Variants in PCDHA4 observed in about 807,000 individuals in gnomAD.
PCDHA4 encodes protocadherin alpha-4.
Under a neutral mutation model 61.4 loss-of-function variants are expected in PCDHA4, and 49 were observed. That is an observed-to-expected ratio of 0.80 (90% CI 0.63 to 1.01). The LOEUF (loss-of-function observed/expected upper bound fraction) is 1.01. Among genes scored for constraint, PCDHA4 ranks in the 50% least tolerant of loss-of-function variants. The pLI is 0.00. For synonymous variants in PCDHA4, 590 were observed against 550.3 expected (o/e 1.07, Z -1.01); for missense variants, 1,254 against 1,235.8 (o/e 1.01, Z -0.22).
intron 1 of PCDHA4, chr5:140,927,409 A>C (rs1554204480): frequency 2.5e-6 from 4 of 1,614,002 alleles, no homozygotes; most frequent in Non-Finnish European, 3.4e-6. Flanking sequence ...TCGCCTGGAC[A>C]TGGGATCGCG....
At chr5:140,870,483 C>A (rs782740203) in intron 1 of PCDHA4, 13 of 1,614,122 alleles carry the variant, frequency 8.1e-6, no homozygotes, top group East Asian at 2.2e-5. Context: ...CCGAGTACAC[C>A]GTGTTCGTGA....
Position 140,851,361 on chromosome 5 carries a change from A to G in PCDHA4, c.2385+41789A>G, listed in dbSNP as rs1342409970. The G allele has an allele frequency of 6.1e-6, 6 of 978,064 alleles. No individual in the cohort carries two copies. In the African/African-American group the frequency reaches 8.8e-5, roughly 14 times the overall value. The allele number at this position is 978,064 out of a possible 1,614,324, so 60.6% of individuals were successfully genotyped here. On this transcript the variant is annotated intron_variant, in intron 1 of 3. Coordinates refer to ENST00000530339, the MANE Select transcript of PCDHA4 (RefSeq NM_018907.4). Reference sequence around the variant, plus strand: ...ACATTTCTCTGGATGGAGACTGTGAACATCTGATTGTTCAGCAACCTTCAG... The same window carrying G: ...ACATTTCTCTGGATGGAGACTGTGAGCATCTGATTGTTCAGCAACCTTCAG...
At chr5:140,874,406 C>T (rs1399717105) in intron 1 of PCDHA4, among the ~76,000 whole-genome samples, 2 of 152,122 alleles carry the variant, frequency 1.3e-5, no homozygotes, top group Non-Finnish European at 2.9e-5. Flanking sequence ...ATAACAGTCA[C>T]CATTCTGATT....
rs2150125667 is a variant in PCDHA4 at position 140,823,416 on chromosome 5, C to A, written c.2385+13844C>A. 4 of 1,613,276 alleles carry A rather than the reference C, an allele frequency of 2.5e-6. No individual in the cohort carries two copies. The highest frequency in any genetic ancestry group is 3.4e-6 in the Non-Finnish European group (4 of 1,179,816). On this transcript the variant is annotated intron_variant, in intron 1 of 3. Transcript: ENST00000530339. ...CGGGCGTGCCGCCTCTGGGCAGCAA[C>A]GTGACGCTGCAGGTGTTCGTGCTGG...
intron 3 of PCDHA4, 48 bp from the exon 4 acceptor site, chr5:141,009,579 A>T: frequency 6.3e-7 from 1 of 1,586,202 alleles, no homozygotes; most frequent in Non-Finnish European, 8.6e-7. Context: ...TGTGGCATCA[A>T]GAGCATGTGT....
At chr5:140,916,399 C>G (rs1421171065) in intron 1 of PCDHA4, among the ~76,000 whole-genome samples, 2 of 152,168 alleles carry the variant, frequency 1.3e-5, no homozygotes, top group African/African-American at 4.8e-5. Context: ...TGTGCTGGAT[C>G]ACACCTGAAG....
At chr5:140,897,252 A>G (rs1179343621) in intron 1 of PCDHA4, among the ~76,000 whole-genome samples, 3 of 152,018 alleles carry the variant, frequency 2.0e-5, no homozygotes, top group East Asian at 3.9e-4. Flanking sequence ...TTACATATGT[A>G]TACATGTGCC....
intron 1 of PCDHA4, among the ~76,000 whole-genome samples, chr5:140,963,325 C>T (rs1156299692): frequency 2.0e-5 from 3 of 152,156 alleles, no homozygotes; most frequent in Non-Finnish European, 4.4e-5. Flanking sequence ...ATTAGAATTA[C>T]ACAGATAAAT....
At position 140,835,699 on chromosome 5, in the gene PCDHA4, C is replaced by G. The variant is rs146607016; in HGVS notation, c.2385+26127C>G. 306 of 1,613,916 alleles carry G rather than the reference C, an allele frequency of 1.9e-4. 1 individual carries two copies. In the African/African-American group the frequency reaches 3.5e-3, roughly 18 times the overall value. ...GGCTCGCCTTCTCTGTGGGCCACTG[C>G]TAGCGTGTCCGTGGAGGTGGCCGAC... On this transcript the variant is annotated intron_variant, in intron 1 of 3. Coordinates refer to ENST00000530339, the MANE Select transcript of PCDHA4 (RefSeq NM_018907.4).
chr5:140,969,261 T>G (rs2153777840), intron 1 of PCDHA4: 1 of 1,614,180 alleles, frequency 6.2e-7, no homozygotes, highest in South Asian at 1.1e-5. Flanking sequence ...AGCAGGAATC[T>G]CACAGGCCAA....
intron 1 of PCDHA4, among the ~76,000 whole-genome samples, chr5:140,936,591 G>T (rs1188475668): frequency 6.6e-6 from 1 of 152,180 alleles, no homozygotes; most frequent in Non-Finnish European, 1.5e-5. Context: ...CAGTTAGATT[G>T]CCTACTTTCC....
At chr5:140,844,128 T>G (rs1265554097) in intron 1 of PCDHA4, among the ~76,000 whole-genome samples, 4 of 149,752 alleles carry the variant, frequency 2.7e-5, no homozygotes, top group South Asian at 2.1e-4. Flanking sequence ...ATGCATGTTT[T>G]AAATATGTTG....
intron 1 of PCDHA4, among the ~76,000 whole-genome samples, chr5:140,893,595 T>C (rs13187419): frequency 0.05 from 7,691 of 152,298 alleles, 276 homozygotes; most frequent in Non-Finnish European, 0.072. Context: ...GGAAATACTT[T>C]ATTTCTCCTT....
chr5:140,877,663 C>T (rs1554169960), intron 1 of PCDHA4: 22 of 1,613,432 alleles, frequency 1.4e-5, no homozygotes, highest in Admixed American at 1.7e-5. Context: ...CACCGTGAGC[C>T]GGTGCGCGCC....
intron 1 of PCDHA4, chr5:140,967,336 C>T (rs782067589): frequency 5.0e-6 from 8 of 1,607,396 alleles, no homozygotes; most frequent in Admixed American, 1.7e-5. Context: ...TCAGCCCCAG[C>T]GAGCACTTCG....
chr5:140,835,640 C>T (rs2150240382), intron 1 of PCDHA4: 4 of 1,613,770 alleles, frequency 2.5e-6, no homozygotes, highest in Admixed American at 3.3e-5. Flanking sequence ...AGAGTGTGTC[C>T]GCCTATGAGC....
intron 1 of PCDHA4, chr5:140,864,334 G>T (rs1303822617): frequency 6.6e-6 from 1 of 152,076 alleles, no homozygotes; most frequent in Non-Finnish European, 1.5e-5. Flanking sequence ...AATTATTTGA[G>T]TTTAAAACAT....
chr5:140,810,990 G>C (rs1764773060), intron 1 of PCDHA4: 1 of 152,100 alleles, frequency 6.6e-6, no homozygotes, highest in South Asian at 2.1e-4. Flanking sequence ...TAGGGGTCAA[G>C]ATTTATTTTT....
chr5:140,843,762 T>G, intron 1 of PCDHA4: 4 of 1,493,648 alleles, frequency 2.7e-6, no homozygotes, highest in Non-Finnish European at 3.7e-6. Context: ...TTGTGGAAAT[T>G]GTAGTTACTT....
Sources: allele counts gnomAD v4.1 joint callset (sites outside exome capture counted in the v4.1 genomes callset), GRCh38; gene constraint gnomAD v4.1.1; transcripts MANE v1.5; gene names NCBI Gene and HGNC (gene_info 2026-07-23, HGNC 2026-07-21).